Variants in ZYG11B observed in about 807,000 individuals in gnomAD.
ZYG11B encodes zyg-11 family member B, cell cycle regulator, also known as protein zyg-11 homolog B.
ZYG11B carries 36 observed loss-of-function variants against 82.4 expected under a neutral mutation model. That is an observed-to-expected ratio of 0.44 (90% CI 0.33 to 0.58). The LOEUF (loss-of-function observed/expected upper bound fraction) is 0.58. ZYG11B is among the 20% of genes least tolerant of loss of function. The pLI is 0.02. For synonymous variants in ZYG11B, 303 were observed against 312.8 expected (o/e 0.97, Z 0.33); for missense variants, 552 against 895.6 (o/e 0.62, Z 4.90).
chr1:52,772,538 A>T, intron 3 of ZYG11B: 1 of 1,610,522 alleles, frequency 6.2e-7, no homozygotes, highest in Non-Finnish European at 8.5e-7. Context: ...CCAGTTTGTA[A>T]ATCTGCTCCT....
At chr1:52,817,795 A>ATG (rs1558145251) in intron 13 of ZYG11B, among the ~76,000 whole-genome samples, 29 of 49,208 alleles carry the variant, frequency 5.9e-4, no homozygotes, top group Middle Eastern at 0.012. Context: ...ATATATATAT[A>ATG]TATATATATA....
chr1:52,796,666 C>A, intron 7 of ZYG11B, 68 bp from the exon 8 acceptor site: 1 of 1,282,152 alleles, frequency 7.8e-7, no homozygotes, highest in Non-Finnish European at 1.1e-6. Flanking sequence ...GAGTGAGGTA[C>A]AGTGAATGAT....
intron 1 of ZYG11B, chr1:52,754,464 C>T (rs1644553812): frequency 6.6e-6 from 1 of 152,236 alleles, no homozygotes; most frequent in Non-Finnish European, 1.5e-5. Flanking sequence ...TGACTGCAAC[C>T]TCCGCCTCCC....
intron 3 of ZYG11B, among the ~76,000 whole-genome samples, chr1:52,773,428 T>A (rs1481804849): frequency 6.7e-6 from 1 of 148,296 alleles, no homozygotes; most frequent in Non-Finnish European, 1.5e-5. Context: ...GAGCCAAGAT[T>A]GTGCCACTGC....
intron 12 of ZYG11B, among the ~76,000 whole-genome samples, chr1:52,814,219 C>A (rs528842091): frequency 6.6e-6 from 1 of 152,302 alleles, no homozygotes; most frequent in East Asian, 1.9e-4. Flanking sequence ...CGAGGTTTCA[C>A]CATGTTGGCC....
chr1:52,769,884 G>A (rs996454048), intron 2 of ZYG11B, among the ~76,000 whole-genome samples: 12 of 152,046 alleles, frequency 7.9e-5, no homozygotes, highest in Admixed American at 6.6e-4. Flanking sequence ...TGGCATGATT[G>A]TTACTTCTTT....
intron 1 of ZYG11B, 59 bp downstream of exon 1, chr1:52,726,742 G>A (rs1317652911): frequency 2.0e-5 from 29 of 1,417,212 alleles, no homozygotes; most frequent in East Asian, 3.0e-5. Context: ...CCCGCCCGTC[G>A]CGCTGGCCCC....
intron 12 of ZYG11B, among the ~76,000 whole-genome samples, chr1:52,815,994 G>T (rs1645221138): frequency 6.6e-6 from 1 of 152,038 alleles, no homozygotes; most frequent in African/African-American, 2.4e-5. Flanking sequence ...GCCTAACTCT[G>T]TTTGTAATTA....
intron 2 of ZYG11B, among the ~76,000 whole-genome samples, chr1:52,762,977 G>GGT (rs1553259199): frequency 1.4e-4 from 11 of 76,678 alleles, no homozygotes; most frequent in Admixed American, 8.2e-4. Flanking sequence ...GTGAGAGATT[G>GGT]GGGGGGGGGG....
At chr1:52,818,498 A>T (rs950281091) in intron 13 of ZYG11B, among the ~76,000 whole-genome samples, 3 of 151,816 alleles carry the variant, frequency 2.0e-5, no homozygotes, top group Non-Finnish European at 4.4e-5. Flanking sequence ...AAATTCTAGG[A>T]TAGAGGGAAA....
At chr1:52,804,113 C>A (rs1645121289) in intron 10 of ZYG11B, among the ~76,000 whole-genome samples, 1 of 151,934 alleles carries the variant, frequency 6.6e-6, no homozygotes, top group Non-Finnish European at 1.5e-5. Context: ...AACATGGTGA[C>A]ATGTACCTGT....
chr1:52,726,620 T>TCCGGC lies in ZYG11B; in HGVS notation c.-30_-26dup. 7.0e-7 allele frequency: 1 copy of TCCGGC among 1,422,780 alleles called. No homozygotes were observed. Among genetic ancestry groups the TCCGGC allele is most frequent in the South Asian group, 1.4e-5 (1 of 69,156 alleles). The allele number at this position is 1,422,780 out of a possible 1,614,324, so 88.1% of individuals were successfully genotyped here. On this transcript the variant is annotated 5_prime_UTR_variant, in exon 1 of 14. Transcript: ENST00000294353. ...GGCTCAGCCTGGGGGCGGGCTCCGG[T>TCCGGC]CCGGCCCGCCGCCGCACCCAGGACG... is the stretch of plus-strand genomic sequence containing the variant.
intron 1 of ZYG11B, among the ~76,000 whole-genome samples, chr1:52,741,315 A>AAAAG (rs1553257616): frequency 0.014 from 2,015 of 142,190 alleles, 46 homozygotes; most frequent in African/African-American, 0.056. Flanking sequence ...AAAAAAAAAA[A>AAAAG]AAAAGAAAAG....
In ZYG11B at chr1:52,726,675, G is replaced by C; in HGVS notation, c.22G>C (p.Ala8Pro). 2 of 1,478,438 alleles carry C rather than the reference G, an allele frequency of 1.4e-6. No individual in the cohort carries two copies. Among genetic ancestry groups the C allele is most frequent in the Non-Finnish European group, 1.8e-6 (2 of 1,121,360 alleles). The allele number at this position is 1,478,438 out of a possible 1,614,324, so 91.6% of individuals were successfully genotyped here. Reference sequence around the variant, plus strand: ...CTGCATGCCCGAGGACCAGGCCGGCGCAGCCATGGTGAGGGAGCAAGGCCT... The same window carrying C: ...CTGCATGCCCGAGGACCAGGCCGGCCCAGCCATGGTGAGGGAGCAAGGCCT... Reference protein sequence around the residue: MPEDQAGAAMEEASPYSL... With the variant: MPEDQAGPAMEEASPYSL... The change falls in exon 1 of 14, where the codon GCA becomes CCA. Residue 8 changes from alanine (A) to proline (P), a missense_variant. By Grantham distance (27) the Ala-to-Pro change is conservative. This residue lies in a region of ZYG11B where 359 missense variants were observed against 555.8 expected (regional missense o/e 0.65). Transcript: ENST00000294353.
intron 8 of ZYG11B, among the ~76,000 whole-genome samples, chr1:52,797,519 T>G (rs146908288): frequency 7.3e-6 from 1 of 136,448 alleles, no homozygotes; most frequent in Non-Finnish European, 1.5e-5. Context: ...ATATATATAT[T>G]TTTTTTTAGA....
At chr1:52,792,268 A>G (rs1644965892) in intron 6 of ZYG11B, among the ~76,000 whole-genome samples, 1 of 152,158 alleles carries the variant, frequency 6.6e-6, no homozygotes, top group African/African-American at 2.4e-5. Context: ...ATGAGACAGA[A>G]TTTTTCATAG....
intron 3 of ZYG11B, among the ~76,000 whole-genome samples, chr1:52,773,404 G>A (rs1644771847): frequency 6.6e-6 from 1 of 150,486 alleles, no homozygotes. Context: ...AATCCAGGAG[G>A]CGGAAGTTGC....
intron 13 of ZYG11B, among the ~76,000 whole-genome samples, chr1:52,817,712 C>A (rs1453832472): frequency 7.6e-6 from 1 of 132,272 alleles, no homozygotes; most frequent in Non-Finnish European, 1.6e-5. Context: ...TAAACTCATT[C>A]CACAAATGAT....
chr1:52,803,231 TATATATATACAC>T (rs1558140546), intron 10 of ZYG11B, among the ~76,000 whole-genome samples: 6 of 65,510 alleles, frequency 9.2e-5, no homozygotes, highest in African/African-American at 7.4e-4. Flanking sequence ...TATACACACA[TATATATATACAC>T]ACACACATAT....
Sources: allele counts gnomAD v4.1 joint callset (sites outside exome capture counted in the v4.1 genomes callset), GRCh38; gene constraint gnomAD v4.1.1; regional missense constraint gnomAD v4.1.1; transcripts MANE v1.5; gene names NCBI Gene and HGNC (gene_info 2026-07-23, HGNC 2026-07-21).